The following SEPTIN9 variants were observed in gnomAD, a reference collection of about 807,000 sequenced individuals.
The protein encoded by SEPTIN9 is septin-9.
A neutral mutation model predicts 56.6 loss-of-function variants in SEPTIN9; 13 were observed. The observed-to-expected ratio is 0.23, with a 90% CI of 0.15 to 0.37. The LOEUF is 0.37. Ranked by LOEUF, SEPTIN9 falls within the 10% of genes least tolerant of loss-of-function variation. SEPTIN9 has a pLI of 1.00. For missense variants in SEPTIN9, 650 were observed against 823.1 expected (o/e 0.79, Z 2.57); for synonymous variants, 332 against 334.1 (o/e 0.99, Z 0.07).
At chr17:77,478,684 T>C (rs1389003494) in intron 3 of SEPTIN9, among the ~76,000 whole-genome samples, 2 of 151,428 alleles carry the variant, frequency 1.3e-5, no homozygotes, top group African/African-American at 2.4e-5. Flanking sequence ...GTGCCTGTAA[T>C]CCCAGCTACT....
chr17:77,321,347 G>A (rs371132812), intron 2 of SEPTIN9, among the ~76,000 whole-genome samples: 1 of 151,860 alleles, frequency 6.6e-6, no homozygotes, highest in African/African-American at 2.4e-5. Flanking sequence ...CATCTCGGTG[G>A]CTCCTCTCTA....
chr17:77,297,068 G>C (rs2031852344), intron 1 of SEPTIN9, among the ~76,000 whole-genome samples: 1 of 152,160 alleles, frequency 6.6e-6, no homozygotes, highest in African/African-American at 2.4e-5. Context: ...ATAGATGATA[G>C]ATAGATAGGA....
chr17:77,357,731 C>T (rs1369879730), intron 2 of SEPTIN9, among the ~76,000 whole-genome samples: 1 of 152,152 alleles, frequency 6.6e-6, no homozygotes, highest in African/African-American at 2.4e-5. Flanking sequence ...CCTCCTGCCT[C>T]AGCCTCCTGA....
At position 77,402,583 on chromosome 17, in the gene SEPTIN9, G is replaced by A. The variant is rs201705602; in HGVS notation, c.601G>A (p.Ala201Thr). 2.0e-5 allele frequency: 32 copies of A among 1,611,624 alleles called. No individual in the cohort carries two copies. The Middle Eastern group carries it at 8.2e-4, about 41-fold the overall frequency. ...QMPKPAEAPT[A>T]PSPAQTLENS... ...GCCCAAGCCTGCTGAGGCGCCCACC[G>A]CCCCCAGCCCAGCCCAGACCTTGGA... The change falls in exon 3 of 12, where the codon GCC (alanine) becomes ACC (threonine). Residue 201 changes from alanine to threonine, a missense_variant. By Grantham distance (58) the Ala-to-Thr change is moderately conservative (BLOSUM62 0). Around this residue, in one of 2 missense-constraint regions of SEPTIN9, gnomAD observed 317 missense variants for 329.1 expected, o/e 0.96. Transcript: ENST00000427177. This position sits in a 1 kb window ranked among gnomAD's most constrained non-coding sequence, Gnocchi z 6.6.
At chr17:77,485,458 C>T (rs921108646) in intron 4 of SEPTIN9, among the ~76,000 whole-genome samples, 16 of 149,208 alleles carry the variant, frequency 1.1e-4, no homozygotes, top group Admixed American at 4.7e-4. Context: ...GTGATGATGG[C>T]GGGAGTGATG....
intron 3 of SEPTIN9, chr17:77,444,712 C>G (rs911351345): frequency 5.1e-6 from 1 of 196,428 alleles, no homozygotes; most frequent in African/African-American, 2.4e-5. Context: ...GTGTCAGGCA[C>G]TGCCCTCGAG....
chr17:77,432,807 AAG>A (rs1249518586), intron 3 of SEPTIN9, among the ~76,000 whole-genome samples: 2 of 152,248 alleles, frequency 1.3e-5, no homozygotes, highest in African/African-American at 4.8e-5. Flanking sequence ...GGAAGCCATC[AAG>A]AGGGGACCAC....
intron 2 of SEPTIN9, among the ~76,000 whole-genome samples, chr17:77,324,049 C>T (rs2033040818): frequency 6.6e-6 from 1 of 152,248 alleles, no homozygotes; most frequent in South Asian, 2.1e-4. Context: ...CCTCTGGCAG[C>T]TTCTGGCGGC....
intron 3 of SEPTIN9, among the ~76,000 whole-genome samples, chr17:77,443,841 AG>A (rs1357556491): frequency 6.6e-6 from 1 of 152,158 alleles, no homozygotes; most frequent in Non-Finnish European, 1.5e-5. Context: ...GGCATGTTGA[AG>A]GTACCTGCTT....
At chr17:77,420,381 C>T (rs1186661902) in intron 3 of SEPTIN9, among the ~76,000 whole-genome samples, 1 of 152,202 alleles carries the variant, frequency 6.6e-6, no homozygotes, top group African/African-American at 2.4e-5. Context: ...TTCTGCGAGG[C>T]CCCTACTGGG....
rs140048182 is a variant in SEPTIN9, at chr17:77,310,573, G to A, written c.76+3376G>A. ...GGTCTTCTCTGTTACTAGTGCTGCCGGGAACGTGTGTTTCCCCAGGTGGAT... is the reference window on the plus strand; with the variant it reads ...GGTCTTCTCTGTTACTAGTGCTGCCAGGAACGTGTGTTTCCCCAGGTGGAT... On this transcript the variant is annotated intron_variant, in intron 2 of 11. Coordinates refer to ENST00000427177, the MANE Select transcript of SEPTIN9 (RefSeq NM_001113491.2). The surrounding 1 kb of genome is among the most constrained non-coding windows in gnomAD (Gnocchi z 4.7). Among the ~76,000 whole-genome samples the A allele has an allele frequency of 4.1e-4, 53 of 128,622 alleles. 2 individuals carry two copies. The East Asian group carries it at 0.011, about 26-fold the overall frequency. The allele number at this position is 128,622 out of a possible 152,430, so 84.4% of individuals were successfully genotyped here.
chr17:77,331,630 T>TGTG (rs2033365288), intron 2 of SEPTIN9, among the ~76,000 whole-genome samples: 1 of 152,172 alleles, frequency 6.6e-6, no homozygotes, highest in Non-Finnish European at 1.5e-5. Context: ...CTGCGGGGTT[T>TGTG]GCATTTTCAC....
intron 1 of SEPTIN9, among the ~76,000 whole-genome samples, chr17:77,283,427 G>A (rs1830886716): frequency 6.6e-6 from 1 of 151,984 alleles, no homozygotes; most frequent in Non-Finnish European, 1.5e-5. Context: ...TGGTGGGGGT[G>A]GCCTCTTGCC....
At chr17:77,488,470 G>GC in intron 6 of SEPTIN9, 149 bp downstream of exon 6, 1 of 859,310 alleles carries the variant, frequency 1.2e-6, no homozygotes, top group Non-Finnish European at 1.9e-6. Flanking sequence ...CACGTCTCAG[G>GC]GGCCTGAAAA....
At chr17:77,320,432 C>A in intron 2 of SEPTIN9, 1 of 1,217,424 alleles carries the variant, frequency 8.2e-7, no homozygotes, top group Non-Finnish European at 1.2e-6. Flanking sequence ...AATAAGCATG[C>A]AAAGGGCGCT....
At chr17:77,495,989 C>T (rs992435075) in intron 10 of SEPTIN9, among the ~76,000 whole-genome samples, 8 of 151,952 alleles carry the variant, frequency 5.3e-5, no homozygotes, top group Non-Finnish European at 7.4e-5. Flanking sequence ...ACAGTTCTTG[C>T]GTTCTCTATG....
intron 1 of SEPTIN9, among the ~76,000 whole-genome samples, chr17:77,292,462 C>G (rs937941786): frequency 2.0e-5 from 3 of 151,670 alleles, no homozygotes; most frequent in African/African-American, 7.3e-5. Flanking sequence ...TCCTGTGGCT[C>G]TTCCTTGTTG....
intron 2 of SEPTIN9, among the ~76,000 whole-genome samples, chr17:77,380,759 G>A (rs1195330923): frequency 6.6e-6 from 1 of 152,182 alleles, no homozygotes; most frequent in Non-Finnish European, 1.5e-5. Context: ...TACAGTTGGA[G>A]GGGGGCAGTT....
In SEPTIN9 at chr17:77,330,040, C is replaced by T. The variant is rs2143702350; in HGVS notation, c.76+22843C>T. ...CCCAGCTGGGGCTCCCTGTGCTCACCTTCTGCTTCCTTCCTCTCCCTCGGA... is the reference window on the plus strand; with the variant it reads ...CCCAGCTGGGGCTCCCTGTGCTCACTTTCTGCTTCCTTCCTCTCCCTCGGA... On this transcript the variant is annotated intron_variant, in intron 2 of 11. Transcript: ENST00000427177. This position sits in a 1 kb window ranked among gnomAD's most constrained non-coding sequence, Gnocchi z 4.4. Among the ~76,000 whole-genome samples the T allele has an allele frequency of 6.6e-6, 1 of 152,298 alleles. No homozygotes were observed. Among genetic ancestry groups the T allele is most frequent in the East Asian group, 1.9e-4 (1 of 5,174 alleles).
Sources: allele counts gnomAD v4.1 joint callset (sites outside exome capture counted in the v4.1 genomes callset), GRCh38; gene constraint gnomAD v4.1.1; regional missense constraint gnomAD v4.1.1; non-coding constraint Gnocchi (gnomAD v3.1); transcripts MANE v1.5; gene names NCBI Gene and HGNC (gene_info 2026-07-23, HGNC 2026-07-21).